The following SNTG2 variants were observed in gnomAD, a reference collection of about 807,000 sequenced individuals.
SNTG2 encodes the protein gamma-2-syntrophin.
SNTG2 carries 74 observed loss-of-function variants against 70.9 expected under a neutral mutation model. The observed-to-expected ratio is 1.04, with a 90% CI of 0.86 to 1.27. The LOEUF (loss-of-function observed/expected upper bound fraction) is 1.27. Ranked by LOEUF, SNTG2 falls within the 50% of genes most tolerant of loss-of-function variation. SNTG2 has a pLI of 0.00. For missense variants in SNTG2, 717 were observed against 690.7 expected, an observed-to-expected ratio of 1.04 and a Z score of -0.43; for synonymous variants, 278 against 273.8, an observed-to-expected ratio of 1.02 and a Z score of -0.15.
chr2:1,287,075 G>A (rs1679793593), intron 14 of SNTG2, among the ~76,000 whole-genome samples: 1 of 152,186 alleles, frequency 6.6e-6, no homozygotes, highest in Non-Finnish European at 1.5e-5. Flanking sequence ...TGTTTGGAAG[G>A]AACTCTGGGT....
chr2:1,207,917 A>G (rs2147988147), intron 8 of SNTG2, among the ~76,000 whole-genome samples: 1 of 152,328 alleles, frequency 6.6e-6, no homozygotes, highest in Non-Finnish European at 1.5e-5. Context: ...ATAAGGAATG[A>G]AGTCTCAAAT....
In SNTG2 at chr2:1,197,525, G is replaced by GTATATA. The variant is rs57334782; in HGVS notation, c.592-11577_592-11576insATATAT. Among the ~76,000 whole-genome samples, 400 of 96,494 alleles carry GTATATA rather than the reference G, an allele frequency of 4.1e-3. 19 individuals carry two copies. The highest frequency in any genetic ancestry group is 0.011 in the East Asian group (20 of 1,774). 63.3% of individuals were successfully genotyped at this position (96,494 alleles called of 152,430 possible). A position where few individuals can be genotyped will look rare whatever the true frequency, so the allele number is the denominator to read the frequency against. On this transcript the variant is annotated intron_variant, in intron 8 of 16. Coordinates refer to ENST00000308624, the MANE Select transcript of SNTG2 (RefSeq NM_018968.4). ...TGTGTATGTATATATATGTGTGTGT[G>GTATATA]TGTGTGTGTGTGTGTGTGTGTGTGT...
chr2:1,329,428 ACT>A lies in SNTG2; in HGVS notation c.1488+13057_1488+13058del, dbSNP rs1659395179. Among the ~76,000 whole-genome samples the A allele has an allele frequency of 5.3e-5, 8 of 152,074 alleles. No homozygotes were observed. The South Asian group carries it at 1.7e-3, about 32-fold the overall frequency. ...CCAAGGTCTCCAAAGATGAAGCAAA[ACT>A]CTCCGCCTTTTCAAGATCCAGACAC... On this transcript the variant is annotated intron_variant, in intron 16 of 16. Coordinates refer to ENST00000308624, the MANE Select transcript of SNTG2 (RefSeq NM_018968.4).
At chr2:1,174,474 A>G (rs962066294) in intron 8 of SNTG2, among the ~76,000 whole-genome samples, 1 of 151,896 alleles carries the variant, frequency 6.6e-6, no homozygotes, top group Non-Finnish European at 1.5e-5. Context: ...CCTTTGTTTT[A>G]TGTTTGTTTT....
intron 6 of SNTG2, among the ~76,000 whole-genome samples, chr2:1,165,328 T>G (rs78639751): frequency 6.6e-6 from 1 of 152,018 alleles, no homozygotes; most frequent in Non-Finnish European, 1.5e-5. Flanking sequence ...TGCTCACTCA[T>G]GCACTTGTTT....
chr2:1,178,818 A>C (rs1306666279), intron 8 of SNTG2, among the ~76,000 whole-genome samples: 1 of 152,212 alleles, frequency 6.6e-6, no homozygotes, highest in Non-Finnish European at 1.5e-5. Flanking sequence ...CTGGCCTCAT[A>C]AAATGAGTTA....
chr2:1,264,380 C>T (rs1176292554), intron 13 of SNTG2, among the ~76,000 whole-genome samples: 7 of 152,182 alleles, frequency 4.6e-5, no homozygotes, highest in Admixed American at 1.3e-4. Context: ...AATTGCAGAG[C>T]ATGGTAACGA....
chr2:1,259,222 C>T (rs879857040), intron 12 of SNTG2, 148 bp from the exon 13 acceptor site: 68 of 651,706 alleles, frequency 1.0e-4, no homozygotes, highest in Non-Finnish European at 1.3e-4. Flanking sequence ...CACAGCAGTA[C>T]GTAAAGTTTA....
intron 1 of SNTG2, among the ~76,000 whole-genome samples, chr2:1,028,267 T>G (rs868028652): frequency 8.5e-6 from 1 of 117,848 alleles, no homozygotes; most frequent in African/African-American, 3.5e-5. Flanking sequence ...CACTACCCAG[T>G]AAGTAACTCA....
chr2:1,282,164 C>G (rs558797741), intron 14 of SNTG2, among the ~76,000 whole-genome samples: 11 of 152,292 alleles, frequency 7.2e-5, no homozygotes, highest in Non-Finnish European at 1.2e-4. Context: ...ATGTCCTTCC[C>G]GTGGCTCTTT....
At chr2:957,300 C>A (rs1660197130) in intron 1 of SNTG2, among the ~76,000 whole-genome samples, 1 of 152,074 alleles carries the variant, frequency 6.6e-6, no homozygotes, top group African/African-American at 2.4e-5. Flanking sequence ...CTCAGAAACA[C>A]TAGAAATTTT....
At chr2:1,193,220 C>T (rs868619111) in intron 8 of SNTG2, among the ~76,000 whole-genome samples, 7 of 152,164 alleles carry the variant, frequency 4.6e-5, no homozygotes, top group Non-Finnish European at 8.8e-5. Context: ...GGCTCTGAAA[C>T]GGGAATGGGT....
intron 9 of SNTG2, among the ~76,000 whole-genome samples, chr2:1,222,085 G>GTCTCTC (rs1256506129): frequency 1.4e-4 from 1 of 7,204 alleles, no homozygotes; most frequent in Non-Finnish European, 2.4e-4. Context: ...CTCTGTCTCT[G>GTCTCTC]TCTCTCTCTG....
chr2:991,045 G>C (rs933625141), intron 1 of SNTG2, among the ~76,000 whole-genome samples: 1 of 151,944 alleles, frequency 6.6e-6, no homozygotes, highest in African/African-American at 2.4e-5. Context: ...ACCATCCTAA[G>C]ATCAGTAAAA....
chr2:1,036,501 A>G (rs1433477826), intron 1 of SNTG2, among the ~76,000 whole-genome samples: 6 of 152,194 alleles, frequency 3.9e-5, no homozygotes, highest in Admixed American at 6.5e-5. Context: ...AAGAAAATTG[A>G]CACTTTAATT....
intron 1 of SNTG2, among the ~76,000 whole-genome samples, chr2:1,022,674 A>G (rs1660258427): frequency 6.6e-6 from 1 of 152,082 alleles, no homozygotes; most frequent in South Asian, 2.1e-4. Flanking sequence ...ATACTTGCCT[A>G]GTACATGGCA....
At chr2:1,096,939 G>T (rs1665429109) in intron 2 of SNTG2, among the ~76,000 whole-genome samples, 1 of 152,166 alleles carries the variant, frequency 6.6e-6, no homozygotes, top group Non-Finnish European at 1.5e-5. Flanking sequence ...CTGGAATACA[G>T]TCTAACACCA....
At chr2:1,352,367 C>T (rs1355844720) in intron 16 of SNTG2, among the ~76,000 whole-genome samples, 8 of 151,952 alleles carry the variant, frequency 5.3e-5, no homozygotes, top group African/African-American at 1.9e-4. Context: ...ATGCAGGCCC[C>T]TCTGCCCCCT....
At chr2:1,287,722 C>T (rs1052109641) in intron 14 of SNTG2, among the ~76,000 whole-genome samples, 2 of 152,242 alleles carry the variant, frequency 1.3e-5, no homozygotes, top group South Asian at 2.1e-4. Flanking sequence ...CAACTTCACG[C>T]GCTGACAGCG....
Sources: allele counts gnomAD v4.1 joint callset (sites outside exome capture counted in the v4.1 genomes callset), GRCh38; gene constraint gnomAD v4.1.1; transcripts MANE v1.5; gene names NCBI Gene and HGNC (gene_info 2026-07-23, HGNC 2026-07-21).